Variants in DOCK3 observed in about 807,000 individuals in gnomAD.
The protein encoded by DOCK3 is dedicator of cytokinesis 3, also known as dedicator of cytokinesis protein 3.
A neutral mutation model predicts 265.6 loss-of-function variants in DOCK3; 60 were observed. The ratio of observed to expected loss-of-function variants is 0.23; its 90% confidence interval spans 0.18 to 0.28. The LOEUF (loss-of-function observed/expected upper bound fraction) is 0.28, where lower values mean the gene tolerates loss of function less well. Ranked by LOEUF, DOCK3 falls within the 10% of genes least tolerant of loss-of-function variation. The pLI is 1.00. For synonymous variants in DOCK3, 881 were observed against 938.0 expected, an observed-to-expected ratio of 0.94 and a Z score of 1.11; for missense variants, 1,981 against 2,594.3, an observed-to-expected ratio of 0.76 and a Z score of 5.14.
At chr3:51,223,195 T>C (rs1186775878) in intron 14 of DOCK3, among the ~76,000 whole-genome samples, 1 of 152,204 alleles carries the variant, frequency 6.6e-6, no homozygotes, top group African/African-American at 2.4e-5. Flanking sequence ...TTCAGCCTCC[T>C]TATAATCCAT....
chr3:51,044,850 C>T (rs969319122), intron 5 of DOCK3, among the ~76,000 whole-genome samples: 1 of 152,108 alleles, frequency 6.6e-6, no homozygotes, highest in Non-Finnish European at 1.5e-5. Context: ...GCAGCTTCCC[C>T]ACCTCTCTTC....
At chr3:51,077,545 GTTGTAGATAGATTAAATTGCCATGTGTGT>G in intron 7 of DOCK3, among the ~76,000 whole-genome samples, 3 of 152,256 alleles carry the variant, frequency 2.0e-5, no homozygotes. Flanking sequence ...TAGAACCATA[GTTGTAGATAGATTAAATTGCCATGTGTGT>G]TTGTAGATAG....
intron 7 of DOCK3, 70 bp downstream of exon 7, chr3:51,075,510 A>C: frequency 1.5e-6 from 2 of 1,313,366 alleles, no homozygotes; most frequent in Non-Finnish European, 2.1e-6. Flanking sequence ...ATTTTCTCTA[A>C]TGTTATGAAA....
intron 35 of DOCK3, chr3:51,336,756 A>G: frequency 2.5e-6 from 1 of 402,542 alleles, no homozygotes; most frequent in South Asian, 1.8e-5. Context: ...CTGGTATCAC[A>G]GTGTTGAGGC....
At chr3:51,348,073 T>C (rs2085720028) in intron 38 of DOCK3, among the ~76,000 whole-genome samples, 1 of 152,226 alleles carries the variant, frequency 6.6e-6, no homozygotes, top group Admixed American at 6.5e-5. Context: ...TATACAATCA[T>C]GTCATCTGCA....
Position 51,260,336 on chromosome 3 carries a change from C to A in DOCK3, c.2355+10C>A. On this transcript the variant is annotated intron_variant, in intron 23 of 52. Transcript: ENST00000266037. The stretch of plus-strand genomic sequence containing the variant: ...ACTCCTTTTTACTCAGGTTCGCACA[C>A]TGCAGGGAAGCTTTGATGCTGGGTT... The A allele has an allele frequency of 6.3e-7, 1 of 1,598,140 alleles. No homozygotes were observed.
chr3:51,149,329 A>C (rs532100250), intron 10 of DOCK3, among the ~76,000 whole-genome samples: 2 of 152,154 alleles, frequency 1.3e-5, no homozygotes, highest in Admixed American at 6.5e-5. Context: ...AGTACCCTTT[A>C]TTTCTTTCTC....
At chr3:51,107,388 A>G (rs193007241) in intron 9 of DOCK3, among the ~76,000 whole-genome samples, 9 of 152,372 alleles carry the variant, frequency 5.9e-5, no homozygotes, top group African/African-American at 1.9e-4. Context: ...AATAGAATTC[A>G]GAATATGAAT....
intron 1 of DOCK3, among the ~76,000 whole-genome samples, chr3:50,734,797 G>C (rs898083731): frequency 7.9e-5 from 12 of 151,848 alleles, no homozygotes; most frequent in Non-Finnish European, 7.4e-5. Context: ...TAGAGGCGGG[G>C]TTTCACTGTG....
chr3:50,973,058 T>TTTC (rs2077295341), intron 5 of DOCK3, among the ~76,000 whole-genome samples: 1 of 143,126 alleles, frequency 7.0e-6, no homozygotes, highest in African/African-American at 2.6e-5. Flanking sequence ...TCTTTTTTTT[T>TTTC]TTTTTTTTTT....
intron 21 of DOCK3, among the ~76,000 whole-genome samples, chr3:51,240,411 T>G (rs1028089014): frequency 6.6e-6 from 1 of 152,228 alleles, no homozygotes; most frequent in African/African-American, 2.4e-5. Context: ...TATGTTCTCT[T>G]GCTTTTGAGT....
intron 1 of DOCK3, among the ~76,000 whole-genome samples, chr3:50,753,225 T>A (rs2039946773): frequency 6.6e-6 from 1 of 152,246 alleles, no homozygotes; most frequent in African/African-American, 2.4e-5. Context: ...GTGATCAAAA[T>A]AATTTATAAA....
chr3:50,706,722 T>C (rs2036436809), intron 1 of DOCK3, among the ~76,000 whole-genome samples: 1 of 152,210 alleles, frequency 6.6e-6, no homozygotes, highest in South Asian at 2.1e-4. Context: ...ACTCTCAAAA[T>C]TCAATTATTT....
intron 1 of DOCK3, among the ~76,000 whole-genome samples, chr3:50,778,358 A>G (rs567085851): frequency 8.7e-4 from 133 of 152,240 alleles, no homozygotes; most frequent in African/African-American, 2.6e-3. Flanking sequence ...AATTGATACA[A>G]ACTTGCTCAA....
intron 5 of DOCK3, among the ~76,000 whole-genome samples, chr3:50,963,835 A>T (rs902513449): frequency 1.3e-5 from 2 of 152,212 alleles, no homozygotes; most frequent in Non-Finnish European, 2.9e-5. Flanking sequence ...CAGAACTGAG[A>T]TTCTAGGGAG....
chr3:50,712,267 TC>T (rs1408949095), intron 1 of DOCK3, among the ~76,000 whole-genome samples: 5 of 152,220 alleles, frequency 3.3e-5, no homozygotes, highest in Admixed American at 2.0e-4. Context: ...AAATTTTTCA[TC>T]TTTTTTATTA....
chr3:51,078,757 T>C (rs895926671), intron 7 of DOCK3, among the ~76,000 whole-genome samples: 1 of 152,132 alleles, frequency 6.6e-6, no homozygotes. Flanking sequence ...ACAACAATAA[T>C]AACAATGCTC....
chr3:51,285,256 ATC>A (rs1338961505), intron 27 of DOCK3, among the ~76,000 whole-genome samples: 4 of 152,112 alleles, frequency 2.6e-5, no homozygotes, highest in Non-Finnish European at 5.9e-5. Context: ...TAATTGTCTG[ATC>A]TCATATGCAG....
At chr3:50,811,194 G>A (rs2106760122) in intron 2 of DOCK3, among the ~76,000 whole-genome samples, 1 of 151,674 alleles carries the variant, frequency 6.6e-6, no homozygotes, top group East Asian at 1.9e-4. Flanking sequence ...TTCAAGACCA[G>A]CCTAATCAAC....
Sources: gnomAD v4.1 joint callset for allele counts (sites outside exome capture counted in the v4.1 genomes callset) on GRCh38, gnomAD v4.1.1 for gene constraint, MANE v1.5 for transcripts, NCBI Gene and HGNC (gene_info 2026-07-23, HGNC 2026-07-21) for gene names.